Variants in EZH1 observed in about 807,000 individuals in gnomAD.
EZH1 encodes the protein enhancer of zeste 1 polycomb repressive complex 2 subunit.
A neutral mutation model predicts 100.5 loss-of-function variants in EZH1; 33 were observed. That is an observed-to-expected ratio of 0.33 (90% CI 0.25 to 0.44). The LOEUF is 0.44. Among genes scored for constraint, EZH1 ranks in the 20% least tolerant of loss-of-function variants. EZH1 has a pLI of 1.00. For missense variants in EZH1, 475 were observed against 928.4 expected (o/e 0.51, Z 6.35); for synonymous variants, 272 against 313.8 (o/e 0.87, Z 1.41).
At chr17:42,725,135 C>T (rs1465689459) in intron 4 of EZH1, among the ~76,000 whole-genome samples, 1 of 152,118 alleles carries the variant, frequency 6.6e-6, no homozygotes, top group Non-Finnish European at 1.5e-5. Flanking sequence ...CCACTGCACT[C>T]CAGCCTGGCG....
chr17:42,713,535 A>G (rs544503559), intron 10 of EZH1, 146 bp from the exon 11 acceptor site: 35 of 686,216 alleles, frequency 5.1e-5, no homozygotes, highest in Non-Finnish European at 6.4e-5. Context: ...GTATGATCAT[A>G]TAACAATGAG....
chr17:42,710,782 C>CTTTTTT (rs5820471), intron 12 of EZH1, among the ~76,000 whole-genome samples: 1 of 107,574 alleles, frequency 9.3e-6, no homozygotes, highest in Non-Finnish European at 1.9e-5. Flanking sequence ...AGGTACGTGG[C>CTTTTTT]TTTTTTTTTT....
chr17:42,710,939 G>T (rs1402652221), intron 12 of EZH1, among the ~76,000 whole-genome samples: 1 of 151,970 alleles, frequency 6.6e-6, no homozygotes, highest in African/African-American at 2.4e-5. Context: ...TCTATTAATT[G>T]TTCTCAGTAC....
chr17:42,723,289 C>T (rs1484013450), intron 5 of EZH1, among the ~76,000 whole-genome samples: 3 of 151,758 alleles, frequency 2.0e-5, no homozygotes, highest in Non-Finnish European at 2.9e-5. Context: ...GGAGGAGAAT[C>T]GCTTGAACCT....
At chr17:42,722,080 C>T (rs577187269) in intron 6 of EZH1, among the ~76,000 whole-genome samples, 1 of 139,582 alleles carries the variant, frequency 7.2e-6, no homozygotes, top group East Asian at 2.3e-4. Context: ...ACCCGGGAGG[C>T]GGAGCTTACA....
intron 6 of EZH1, among the ~76,000 whole-genome samples, chr17:42,721,194 C>T (rs1210775250): frequency 6.6e-6 from 1 of 152,164 alleles, no homozygotes; most frequent in Non-Finnish European, 1.5e-5. Context: ...GGTCTTTGAA[C>T]ACTAGGAGGC....
chr17:42,709,489 A>C (rs1040959729), intron 13 of EZH1: 45 of 200,244 alleles, frequency 2.2e-4, no homozygotes, highest in African/African-American at 1.0e-3. Flanking sequence ...AAACCAAACA[A>C]ATAAATAAAC....
At chr17:42,719,254 C>A in intron 7 of EZH1, 47 bp from the exon 8 acceptor site, 1 of 1,385,316 alleles carries the variant, frequency 7.2e-7, no homozygotes, top group Non-Finnish European at 1.0e-6. Context: ...TATCAGAACA[C>A]GTAAACAAAT....
chr17:42,720,396 C>T lies in EZH1; in HGVS notation c.541G>A (p.Asp181Asn), dbSNP rs541410310. ...ISDAVFLELV[D>N]ALNQYSDEEE... ...TCATCTGAGTACTGATTCAGGGCAT[C>T]GACCAACTCCAGAAAAACAGCATCA... Residue 181 changes from aspartate to asparagine, a missense_variant, in exon 7 of 21, where the codon GAT becomes AAT. Asp to Asn is a conservative substitution (Grantham distance 23). This residue lies in a region of EZH1 where 180 missense variants were observed against 295.3 expected (regional missense o/e 0.61). Coordinates refer to ENST00000428826, the MANE Select transcript of EZH1 (RefSeq NM_001991.5). 1.9e-5 allele frequency: 30 copies of T among 1,613,900 alleles called. No individual in the cohort carries two copies. In the East Asian group the frequency reaches 4.5e-4, roughly 24 times the overall value.
At chr17:42,719,066 G>T in intron 8 of EZH1, 39 bp downstream of exon 8, 1 of 1,486,198 alleles carries the variant, frequency 6.7e-7, no homozygotes, top group Non-Finnish European at 9.4e-7. Flanking sequence ...TTTTGTCCGA[G>T]CACTCTGTAT....
At position 42,713,246 on chromosome 17, in the gene EZH1, G is replaced by C; in HGVS notation, c.1167C>G (p.Asp389Glu). The C allele has an allele frequency of 6.2e-7, 1 of 1,613,998 alleles. No homozygotes were observed. The highest frequency in any genetic ancestry group is 8.5e-7 in the Non-Finnish European group (1 of 1,179,964). ...AVAETKEGDS[D>E]RDTGNDWASS... is the part of the protein sequence containing the mutation. ...AGGCCCAGTCATTGCCTGTGTCCCT[G>C]TCACTGTCTCCTTCTTTAGTCTCAG... Residue 389 changes from aspartate to glutamate, a missense_variant, in exon 11 of 21, where the codon GAC becomes GAG. Physicochemically the swap from Asp to Glu is conservative, Grantham distance 45. Around this residue, in one of 8 missense-constraint regions of EZH1, gnomAD observed 180 missense variants for 295.3 expected, o/e 0.61. Transcript: ENST00000428826.
At chr17:42,723,058 A>T (rs2053746366) in intron 5 of EZH1, 143 bp from the exon 6 acceptor site, 9 of 1,281,438 alleles carry the variant, frequency 7.0e-6, no homozygotes, top group African/African-American at 1.5e-5. Context: ...CATTTTAAAC[A>T]CTGGCCATTT....
chr17:42,703,941 C>A (rs1294366800), intron 18 of EZH1, 121 bp from the exon 19 acceptor site: 4 of 762,678 alleles, frequency 5.2e-6, no homozygotes, highest in Non-Finnish European at 6.9e-6. Flanking sequence ...AATGTTGAAG[C>A]CCAGTGTGCT....
At chr17:42,723,470 G>A (rs2053757891) in intron 5 of EZH1, among the ~76,000 whole-genome samples, 1 of 152,002 alleles carries the variant, frequency 6.6e-6, no homozygotes, top group African/African-American at 2.4e-5. Flanking sequence ...AAAATAAACT[G>A]GGCAATCATA....
chr17:42,715,094 GATT>G (rs991218669), intron 10 of EZH1, among the ~76,000 whole-genome samples: 3 of 132,562 alleles, frequency 2.3e-5, no homozygotes, highest in Non-Finnish European at 4.7e-5. Flanking sequence ...ATATATTATA[GATT>G]ATATGTATTT....
At chr17:42,733,878 T>C (rs536740555) in intron 1 of EZH1, among the ~76,000 whole-genome samples, 1 of 144,876 alleles carries the variant, frequency 6.9e-6, no homozygotes, top group African/African-American at 2.6e-5. Flanking sequence ...GAGGTGGAGG[T>C]TGCAGTGAGC....
At chr17:42,744,770 G>T (rs1042389685) in intron 1 of EZH1, among the ~76,000 whole-genome samples, 2 of 96,346 alleles carry the variant, frequency 2.1e-5, no homozygotes, top group Admixed American at 2.2e-4. Context: ...TCCTCCTCCC[G>T]GGCACACAGC....
chr17:42,724,235 G>A (rs1302533654), intron 5 of EZH1, 70 bp downstream of exon 5: 6 of 1,574,476 alleles, frequency 3.8e-6, no homozygotes, highest in Non-Finnish European at 4.4e-6. Context: ...TACCCTAAGA[G>A]GAGCTCTGGC....
At chr17:42,723,518 A>T (rs751455312) in intron 5 of EZH1, among the ~76,000 whole-genome samples, 14 of 152,216 alleles carry the variant, frequency 9.2e-5, no homozygotes, top group Non-Finnish European at 1.6e-4. Context: ...AAGATTCTCC[A>T]ATAATAAAAA....
Sources: allele counts gnomAD v4.1 joint callset (sites outside exome capture counted in the v4.1 genomes callset), GRCh38; gene constraint gnomAD v4.1.1; regional missense constraint gnomAD v4.1.1; transcripts MANE v1.5; gene names NCBI Gene and HGNC (gene_info 2026-07-23, HGNC 2026-07-21).